CA12: variants seen among roughly 807,000 people sequenced by gnomAD.
CA12 encodes carbonic anhydrase 12.
In CA12, 36 loss-of-function variants were observed where a neutral mutation model predicts 46.8. The ratio of observed to expected loss-of-function variants is 0.77; its 90% CI spans 0.59 to 1.02. The LOEUF (loss-of-function observed/expected upper bound fraction) is 1.02, where lower values mean the gene tolerates loss of function less well. CA12 is among the 50% of genes least tolerant of loss of function. The pLI is 0.00. For missense variants in CA12, 436 were observed against 451.4 expected (o/e 0.97, Z 0.31); for synonymous variants, 202 against 187.0 (o/e 1.08, Z -0.65).
intron 2 of CA12, among the ~76,000 whole-genome samples, chr15:63,364,515 T>C (rs1487097469): frequency 6.6e-6 from 1 of 152,038 alleles, no homozygotes; most frequent in East Asian, 1.9e-4. Flanking sequence ...TGGGAGTATG[T>C]GTGAGTACAG....
rs1028616411 is a variant in CA12 at position 63,378,422 on chromosome 15, G to A, written c.86-2744C>T. Among the ~76,000 whole-genome samples, 1 of 151,992 alleles carries A rather than the reference G, an allele frequency of 6.6e-6. No homozygotes were observed. Among genetic ancestry groups the A allele is most frequent in the Non-Finnish European group, 1.5e-5 (1 of 67,978 alleles). ...ATTTCCCTAAGCTTAGACACATAAA[G>A]TTTTATATACAAGTCATTTCAGAAG... is the stretch of plus-strand genomic sequence containing the variant. On this transcript the variant is annotated intron_variant, in intron 1 of 10. Transcript: ENST00000178638. The surrounding 1 kb of genome is among the most constrained non-coding windows in gnomAD (Gnocchi z 4.8).
intron 8 of CA12, among the ~76,000 whole-genome samples, chr15:63,336,406 G>T (rs1352653175): frequency 6.6e-6 from 1 of 152,112 alleles, no homozygotes; most frequent in Non-Finnish European, 1.5e-5. Context: ...CTCCTGCCCG[G>T]TTTCTTCTGA....
chr15:63,375,798 A>ACTTTTT (rs2039562952), intron 1 of CA12, 120 bp from the exon 2 acceptor site: 2 of 727,946 alleles, frequency 2.7e-6, no homozygotes, highest in Admixed American at 5.4e-5. Flanking sequence ...AGAAATTGAA[A>ACTTTTT]CTTTTTCTTT....
In CA12 at chr15:63,327,019, A is replaced by T. The variant is rs995765995; in HGVS notation, c.992+130T>A. The T allele has an allele frequency of 1.3e-6, 1 of 782,168 alleles. No individual in the cohort carries two copies. Among genetic ancestry groups the T allele is most frequent in the African/African-American group, 1.7e-5 (1 of 58,518 alleles). 48.5% of individuals were successfully genotyped at this position (782,168 alleles called of 1,614,324 possible). A position where few individuals can be genotyped will look rare whatever the true frequency, so the allele number is the denominator to read the frequency against. On this transcript the variant is annotated intron_variant, in intron 10 of 10. Coordinates refer to ENST00000178638, the MANE Select transcript of CA12 (RefSeq NM_001218.5). This position sits in a 1 kb window ranked among gnomAD's most constrained non-coding sequence, Gnocchi z 4.5. Reference sequence around the variant, plus strand: ...AGGCCAGGGCACGGGTGCTTTGGGGACGGCCCTCCTAGGGTAAGTGGTGGT... The same window carrying T: ...AGGCCAGGGCACGGGTGCTTTGGGGTCGGCCCTCCTAGGGTAAGTGGTGGT...
At chr15:63,335,996 A>G (rs972687627) in intron 8 of CA12, among the ~76,000 whole-genome samples, 1 of 152,028 alleles carries the variant, frequency 6.6e-6, no homozygotes, top group African/African-American at 2.4e-5. Flanking sequence ...GGAGGGGAGG[A>G]GAATTCTGGC....
At chr15:63,363,436 A>G (rs991196953) in intron 2 of CA12, among the ~76,000 whole-genome samples, 1 of 152,192 alleles carries the variant, frequency 6.6e-6, no homozygotes, top group Non-Finnish European at 1.5e-5. Context: ...GGGCCAGGCT[A>G]TGTGCATCTA....
rs574636655 is a variant in CA12 at position 63,346,101 on chromosome 15, G to A, written c.286+429C>T. ...GTCCATTTCCAGATGGAAGCTCAAG[G>A]AGACTAAAATTCTCACCTAGATTCT... is the stretch of plus-strand genomic sequence containing the variant. On this transcript the variant is annotated intron_variant, in intron 3 of 10. Transcript: ENST00000178638. 1.0e-3 allele frequency among the ~76,000 whole-genome samples: 158 copies of A among 152,288 alleles called. 1 individual carries two copies. The highest frequency in any genetic ancestry group is 3.7e-3 in the African/African-American group (152 of 41,548).
At chr15:63,332,473 A>C (rs1275223613) in intron 8 of CA12, among the ~76,000 whole-genome samples, 1 of 152,240 alleles carries the variant, frequency 6.6e-6, no homozygotes, top group Non-Finnish European at 1.5e-5. Flanking sequence ...CCTAAATCCC[A>C]GAGCCTCAGG....
Position 63,345,223 on chromosome 15 carries a change from C to A in CA12, c.429+254G>T, listed in dbSNP as rs1296865479. Among the ~76,000 whole-genome samples, 1 of 152,226 alleles carries A rather than the reference C, an allele frequency of 6.6e-6. No homozygotes were observed. The highest frequency in any genetic ancestry group is 1.5e-5 in the Non-Finnish European group (1 of 68,038). On this transcript the variant is annotated intron_variant, in intron 4 of 10. Coordinates refer to ENST00000178638, the MANE Select transcript of CA12 (RefSeq NM_001218.5). The surrounding 1 kb of genome is among the most constrained non-coding windows in gnomAD (Gnocchi z 4.3). The stretch of plus-strand genomic sequence containing the variant: ...CTGGGCCACCCTGGGAATACTGCCT[C>A]CCCAGCAGCATCACTCAGTAAAAGA...
rs563727228 is a variant in CA12, at chr15:63,378,387, CA to C, written c.86-2710del. ...TGGGTGACAGAGCGAGACTCTGTCT[CA>C]AAAAAAAAATTTCCCTAAGCTTAGA... On this transcript the variant is annotated intron_variant, in intron 1 of 10. Transcript: ENST00000178638. This position sits in a 1 kb window ranked among gnomAD's most constrained non-coding sequence, Gnocchi z 4.8. Among the ~76,000 whole-genome samples, 44 of 148,504 alleles carry C rather than the reference CA, an allele frequency of 3.0e-4. No individual in the cohort carries two copies. The highest frequency in any genetic ancestry group is 1.2e-3 in the East Asian group (6 of 5,102).
intron 2 of CA12, among the ~76,000 whole-genome samples, chr15:63,357,356 T>C (rs1010126292): frequency 6.6e-6 from 1 of 152,164 alleles, no homozygotes; most frequent in African/African-American, 2.4e-5. Flanking sequence ...TGCTGCTGGG[T>C]CCAGGAACCA....
chr15:63,339,214 G>A lies in CA12; in HGVS notation c.748-269C>T, dbSNP rs2152614994. On this transcript the variant is annotated intron_variant, in intron 7 of 10. Transcript: ENST00000178638. This position sits in a 1 kb window ranked among gnomAD's most constrained non-coding sequence, Gnocchi z 4.3. ...GTGCTGTTAGTTTCCAATTATACCT[G>A]GAATCTGCCCTGCGTGGAGGGAAAC... Among the ~76,000 whole-genome samples, 1 of 151,408 alleles carries A rather than the reference G, an allele frequency of 6.6e-6. No individual in the cohort carries two copies. Among genetic ancestry groups the A allele is most frequent in the Non-Finnish European group, 1.5e-5 (1 of 67,888 alleles).
chr15:63,376,560 T>TTCTTTCTTTCTTTCTTTCTC (rs2039575310), intron 1 of CA12, among the ~76,000 whole-genome samples: 1 of 102,330 alleles, frequency 9.8e-6, no homozygotes, highest in African/African-American at 3.4e-5. Context: ...TTTCTTTCCT[T>TTCTTTCTTTCTTTCTTTCTC]TCTTTCTTTC....
At chr15:63,358,729 C>A (rs1016994947) in intron 2 of CA12, among the ~76,000 whole-genome samples, 3 of 152,138 alleles carry the variant, frequency 2.0e-5, no homozygotes, top group African/African-American at 7.2e-5. Flanking sequence ...CTTCCTCAGG[C>A]GAGTACCCCT....
rs563819265 is a variant in CA12 at position 63,339,333 on chromosome 15, G to A, written c.748-388C>T. 1.4e-4 allele frequency among the ~76,000 whole-genome samples: 21 copies of A among 152,254 alleles called. No homozygotes were observed. The highest frequency in any genetic ancestry group is 3.4e-3 in the Middle Eastern group (1 of 294). On this transcript the variant is annotated intron_variant, in intron 7 of 10. Coordinates refer to ENST00000178638, the MANE Select transcript of CA12 (RefSeq NM_001218.5). The surrounding 1 kb of genome is among the most constrained non-coding windows in gnomAD (Gnocchi z 4.3). Reference sequence around the variant, plus strand: ...CAGCTCTCAACCAGAGGGTCGCAGGGCTTGTTCTGATGGTCATATCAGAAG... The same window carrying A: ...CAGCTCTCAACCAGAGGGTCGCAGGACTTGTTCTGATGGTCATATCAGAAG...
rs1225298020 is a variant in CA12 at position 63,339,503 on chromosome 15, C to T, written c.748-558G>A. Among the ~76,000 whole-genome samples the T allele has an allele frequency of 6.6e-6, 1 of 152,222 alleles. No individual in the cohort carries two copies. The highest frequency in any genetic ancestry group is 1.5e-5 in the Non-Finnish European group (1 of 68,038). On this transcript the variant is annotated intron_variant, in intron 7 of 10. Transcript: ENST00000178638. The surrounding 1 kb of genome is among the most constrained non-coding windows in gnomAD (Gnocchi z 4.3). ...CTGCTTCCCCACATGTTTCATCCAT[C>T]TCTTGGTTCATCATGTCCTCATTCC...
In CA12 at chr15:63,326,312, G is replaced by C; in HGVS notation, c.1038C>G (p.Thr346=). 1 of 1,614,080 alleles carries C rather than the reference G, an allele frequency of 6.2e-7. No individual in the cohort carries two copies. Among genetic ancestry groups the C allele is most frequent in the Non-Finnish European group, 8.5e-7 (1 of 1,179,964 alleles). The stretch of plus-strand genomic sequence containing the variant: ...AAGCGTGGGCCTCAGTCTCCATCTT[G>C]GTGGCTGGCTTGTAAATGACTCCCT... ...DNKGVIYKPA[T]KMETEAHA Residue 346 remains threonine, a synonymous_variant, in exon 11 of 11, where the codon ACC becomes ACG. Transcript: ENST00000178638.
rs2039142076 is a variant in CA12, at chr15:63,345,980, C to T, written c.287-361G>A. Among the ~76,000 whole-genome samples, 1 of 152,222 alleles carries T rather than the reference C, an allele frequency of 6.6e-6. No individual in the cohort carries two copies. The highest frequency in any genetic ancestry group is 2.1e-4 in the South Asian group (1 of 4,836). On this transcript the variant is annotated intron_variant, in intron 3 of 10. Coordinates refer to ENST00000178638, the MANE Select transcript of CA12 (RefSeq NM_001218.5). This position sits in a 1 kb window ranked among gnomAD's most constrained non-coding sequence, Gnocchi z 4.3. ...TCCAAGCTTTAGAATTATATAGCAA[C>T]AGCAACGATAACTGCTATTTATGAA...
At position 63,324,918 on chromosome 15, in the gene CA12, G is replaced by C. The variant is rs1316209911; in HGVS notation, c.*1367C>G. The stretch of plus-strand genomic sequence containing the variant: ...GACTGTGAATCAGAAAGTTCTCGGG[G>C]AACTGCAAGGTGCTCTCAACTAGGG... On this transcript the variant is annotated 3_prime_UTR_variant, in exon 11 of 11. Coordinates refer to ENST00000178638, the MANE Select transcript of CA12 (RefSeq NM_001218.5). The C allele has an allele frequency of 6.6e-6, 1 of 152,092 alleles. No homozygotes were observed. The highest frequency in any genetic ancestry group is 1.5e-5 in the Non-Finnish European group (1 of 68,028). The allele number at this position is 152,092 out of a possible 1,614,324, so 9.4% of individuals were successfully genotyped here. A position where few individuals can be genotyped will look rare whatever the true frequency, so the allele number is the denominator to read the frequency against.
Sources: allele counts gnomAD v4.1 joint callset (sites outside exome capture counted in the v4.1 genomes callset), GRCh38; gene constraint gnomAD v4.1.1; non-coding constraint Gnocchi (gnomAD v3.1); transcripts MANE v1.5; gene names NCBI Gene and HGNC (gene_info 2026-07-23, HGNC 2026-07-21).